DLG4: variants seen among roughly 807,000 people sequenced by gnomAD.
DLG4 encodes the protein discs large MAGUK scaffold protein 4.
A neutral mutation model predicts 93.8 loss-of-function variants in DLG4; 7 were observed. The observed-to-expected ratio is 0.07, with a 90% CI of 0.04 to 0.14. The LOEUF is 0.14. Among genes scored for constraint, DLG4 ranks in the 10% least tolerant of loss-of-function variants. The pLI is 1.00. For synonymous variants in DLG4, 341 were observed against 387.6 expected (o/e 0.88, Z 1.41); for missense variants, 545 against 992.9 (o/e 0.55, Z 6.06).
chr17:7,201,452 A>AT (rs2070130705), intron 8 of DLG4, among the ~76,000 whole-genome samples: 1 of 152,172 alleles, frequency 6.6e-6, no homozygotes, highest in Non-Finnish European at 1.5e-5. Flanking sequence ...GCTGCTTAAT[A>AT]TCCCACAAGG....
Position 7,208,459 on chromosome 17 carries a change from C to T in DLG4, c.31-220G>A, listed in dbSNP as rs1469580873. ...AGGGCCTCAGCACCTCTCATCAATCCCCAGGTCCCAATCCCATCCCCCAAC... is the reference window on the plus strand; with the variant it reads ...AGGGCCTCAGCACCTCTCATCAATCTCCAGGTCCCAATCCCATCCCCCAAC... On this transcript the variant is annotated intron_variant, in intron 1 of 19. Coordinates refer to ENST00000399506, the MANE Select transcript of DLG4 (RefSeq NM_001321075.3). This position sits in a 1 kb window ranked among gnomAD's most constrained non-coding sequence, Gnocchi z 5.4. Among the ~76,000 whole-genome samples, 1 of 151,974 alleles carries T rather than the reference C, an allele frequency of 6.6e-6. No homozygotes were observed. The highest frequency in any genetic ancestry group is 1.5e-5 in the Non-Finnish European group (1 of 67,974).
rs62061432 is a variant in DLG4 at position 7,195,521 on chromosome 17, C to T, written c.1301+699G>A. On this transcript the variant is annotated intron_variant, in intron 11 of 19. Transcript: ENST00000399506. This position sits in a 1 kb window ranked among gnomAD's most constrained non-coding sequence, Gnocchi z 4.3. ...GCAGGATGATGAGCTCAGCGTGGGA[C>T]ATGTTGAGTGTGGGACGCCTGTGGG... Among the ~76,000 whole-genome samples the T allele has an allele frequency of 2.9e-3, 444 of 152,236 alleles. 3 individuals are homozygous for T. Among genetic ancestry groups the T allele is most frequent in the African/African-American group, 8.3e-3 (346 of 41,542 alleles).
chr17:7,210,183 G>A (rs1277218183), intron 1 of DLG4, among the ~76,000 whole-genome samples: 1 of 152,172 alleles, frequency 6.6e-6, no homozygotes, highest in Non-Finnish European at 1.5e-5. Context: ...TCCTTGAGTA[G>A]GATTCTGAAA....
intron 1 of DLG4, among the ~76,000 whole-genome samples, chr17:7,215,141 G>A (rs1478898626): frequency 6.6e-6 from 1 of 152,190 alleles, no homozygotes; most frequent in Non-Finnish European, 1.5e-5. Flanking sequence ...TAACATTGAG[G>A]GATCTGGTGC....
rs770457221 is a variant in DLG4, at chr17:7,203,505, A to C, written c.424T>G (p.Ser142Ala). 1.2e-6 allele frequency: 2 copies of C among 1,613,740 alleles called. No homozygotes were observed. Among genetic ancestry groups the C allele is most frequent in the South Asian group, 2.2e-5 (2 of 91,078 alleles). ...AAVEALKEAG[S>A]IVRLYVMRRK... ...CGCATGACATAGAGGCGAACGATGG[A>C]GCCTGCCTCTTTGAGGGCTTCCACC... The change falls in exon 6 of 20, where the codon TCC (serine) becomes GCC (alanine). Residue 142 changes from serine (S) to alanine (A), a missense_variant. Transcript: ENST00000399506. The surrounding 1 kb of genome is among the most constrained non-coding windows in gnomAD (Gnocchi z 7.2).
At chr17:7,218,427 G>A (rs186043762), upstream of DLG4, 3 of 1,385,536 alleles carry the variant, frequency 2.2e-6, no homozygotes, top group East Asian at 7.5e-5. Flanking sequence ...ACCATAGGCA[G>A]GACCCTGCAT....
chr17:7,209,298 G>A (rs1291510091), intron 1 of DLG4, among the ~76,000 whole-genome samples: 1 of 152,212 alleles, frequency 6.6e-6, no homozygotes, highest in Non-Finnish European at 1.5e-5. Flanking sequence ...GGCAGATGGA[G>A]ACAGCAGAAG....
At chr17:7,216,985 AAATT>A in intron 1 of DLG4, 129 bp downstream of exon 1, 2 of 885,084 alleles carry the variant, frequency 2.3e-6, no homozygotes, top group Non-Finnish European at 3.0e-6. Context: ...CCCCAAAACT[AAATT>A]AAGACCCCCA....
chr17:7,191,521 C>A lies in DLG4; in HGVS notation c.1977-163G>T, dbSNP rs889830273. On this transcript the variant is annotated intron_variant, in intron 18 of 19. Coordinates refer to ENST00000399506, the MANE Select transcript of DLG4 (RefSeq NM_001321075.3). This position sits in a 1 kb window ranked among gnomAD's most constrained non-coding sequence, Gnocchi z 6.6. ...GGGGCCACAGATGAGAACCACCCCC[C>A]ACCCCCCTGCCACCCGCAACCGCCC... The A allele has an allele frequency of 1.5e-6, 1 of 663,300 alleles. No homozygotes were observed. Among genetic ancestry groups the A allele is most frequent in the Non-Finnish European group, 2.6e-6 (1 of 384,316 alleles). 41.1% of individuals were successfully genotyped at this position (663,300 alleles called of 1,614,324 possible). A position where few individuals can be genotyped will look rare whatever the true frequency, so the allele number is the denominator to read the frequency against.
chr17:7,220,049 C>G, upstream of DLG4: 1 of 1,602,868 alleles, frequency 6.2e-7, no homozygotes. Flanking sequence ...GGCGGAAGGT[C>G]TGTGTGTGAC....
chr17:7,211,164 C>G (rs1253093370), intron 1 of DLG4, among the ~76,000 whole-genome samples: 1 of 129,012 alleles, frequency 7.8e-6, no homozygotes, highest in Non-Finnish European at 1.6e-5. Context: ...TCTGAAACTG[C>G]AGACTGGGGG....
chr17:7,207,376 A>T (rs2070514942), intron 2 of DLG4, among the ~76,000 whole-genome samples: 1 of 151,896 alleles, frequency 6.6e-6, no homozygotes, highest in South Asian at 2.1e-4. Flanking sequence ...GCCAGCAGGG[A>T]GGAAAGGCTG....
In DLG4 at chr17:7,190,414, G is replaced by A; in HGVS notation, c.*294C>T. The A allele has an allele frequency of 2.3e-6, 1 of 427,732 alleles. No individual in the cohort carries two copies. Among genetic ancestry groups the A allele is most frequent in the East Asian group, 4.5e-5 (1 of 22,094 alleles). The allele number at this position is 427,732 out of a possible 1,614,324, so 26.5% of individuals were successfully genotyped here. On this transcript the variant is annotated 3_prime_UTR_variant, in exon 20 of 20. Transcript: ENST00000399506. ...AGGGCAGGTGGCCCCCGGTGGGTCTGTGTGTGCATTGGGGGCAGGTGGGGG... is the reference window on the plus strand; with the variant it reads ...AGGGCAGGTGGCCCCCGGTGGGTCTATGTGTGCATTGGGGGCAGGTGGGGG...
chr17:7,218,155 T>G, upstream of DLG4: 1 of 1,268,744 alleles, frequency 7.9e-7, no homozygotes, highest in Non-Finnish European at 1.1e-6. Flanking sequence ...GCCCCCAAGA[T>G]TCCAGGTAAT....
rs909242532 is a variant in DLG4, at chr17:7,195,380, G to A, written c.1301+840C>T. ...ACAACCTTGGGGACCAACCGGACCC[G>A]AGCAGGGAGGAAGGGCAGAGCAAGG... On this transcript the variant is annotated intron_variant, in intron 11 of 19. Transcript: ENST00000399506. The surrounding 1 kb of genome is among the most constrained non-coding windows in gnomAD (Gnocchi z 4.3). Among the ~76,000 whole-genome samples, 3 of 152,164 alleles carry A rather than the reference G, an allele frequency of 2.0e-5. No homozygotes were observed. Among genetic ancestry groups the A allele is most frequent in the South Asian group, 2.1e-4 (1 of 4,830 alleles).
At chr17:7,218,597 C>T (rs867202919), upstream of DLG4, 5 of 1,566,380 alleles carry the variant, frequency 3.2e-6, no homozygotes, top group African/African-American at 1.4e-5. Context: ...GGGTGCCCAC[C>T]GCAGCAGTGG....
intron 2 of DLG4, 43 bp from the exon 3 acceptor site, chr17:7,204,295 C>T (rs368686857): frequency 2.0e-6 from 3 of 1,534,966 alleles, no homozygotes; most frequent in Non-Finnish European, 2.6e-6. Context: ...TGAGCCTTGA[C>T]TCGAGAGGGA....
intron 8 of DLG4, among the ~76,000 whole-genome samples, chr17:7,201,607 G>A (rs949204319): frequency 6.6e-6 from 1 of 152,106 alleles, no homozygotes; most frequent in Admixed American, 6.6e-5. Flanking sequence ...GAGGCCGGGC[G>A]CGGTGGCTCA....
rs563279685 is a variant in DLG4, at chr17:7,202,394, T to C, written c.787+509A>G. Reference sequence around the variant, plus strand: ...TAACGTTTTAATATATGAATCATATTAAGAGATTTCCTAATATTGAGCCAT... The same window carrying C: ...TAACGTTTTAATATATGAATCATATCAAGAGATTTCCTAATATTGAGCCAT... On this transcript the variant is annotated intron_variant, in intron 8 of 19. Transcript: ENST00000399506. Among the ~76,000 whole-genome samples the C allele has an allele frequency of 2.1e-4, 32 of 152,326 alleles. No homozygotes were observed. In the South Asian group the frequency reaches 3.9e-3, roughly 19 times the overall value.
Sources: allele counts gnomAD v4.1 joint callset (sites outside exome capture counted in the v4.1 genomes callset), GRCh38; gene constraint gnomAD v4.1.1; non-coding constraint Gnocchi (gnomAD v3.1); transcripts MANE v1.5; gene names NCBI Gene and HGNC (gene_info 2026-07-23, HGNC 2026-07-21).